MOB2: variants seen among roughly 807,000 people sequenced by gnomAD.
The protein encoded by MOB2 is MOB2 Mps One Binder homolog.
In MOB2, 14 loss-of-function variants were observed where a neutral mutation model predicts 27.4. The observed-to-expected ratio is 0.51, with a 90% CI of 0.34 to 0.80. The LOEUF (loss-of-function observed/expected upper bound fraction) is 0.80. Among genes scored for constraint, MOB2 ranks in the 30% least tolerant of loss-of-function variants. MOB2 has a pLI of 0.01. For missense variants in MOB2, 304 were observed against 354.6 expected (o/e 0.86, Z 1.15); for synonymous variants, 167 against 151.8 (o/e 1.10, Z -0.74).
chr11:1,481,569 A>G (rs1847914034), intron 1 of MOB2: 1 of 152,558 alleles, frequency 6.6e-6, no homozygotes, highest in African/African-American at 2.4e-5. Context: ...TAAGAGAAAG[A>G]GAAAGGAAAA....
rs970911836 is a variant in MOB2, at chr11:1,480,945, G to A, written c.111-60C>T. On this transcript the variant is annotated intron_variant, in intron 1 of 4. Transcript: ENST00000329957. ...CGCCCATCAGACCCAGGGTCTGCCC[G>A]GGGGGTCAGTTGTGGCCAGCGCAGG... is the stretch of plus-strand genomic sequence containing the variant. The A allele has an allele frequency of 2.8e-5, 43 of 1,535,066 alleles. No individual in the cohort carries two copies. The South Asian group carries it at 3.6e-4, about 13-fold the overall frequency.
At chr11:1,470,700 C>G (rs1414130333) in intron 4 of MOB2, among the ~76,000 whole-genome samples, 1 of 152,226 alleles carries the variant, frequency 6.6e-6, no homozygotes, top group Non-Finnish European at 1.5e-5. Flanking sequence ...GCTGAGACCT[C>G]CCTGCGTGCT....
At chr11:1,471,656 T>A in intron 3 of MOB2, 1 of 478,236 alleles carries the variant, frequency 2.1e-6, no homozygotes. Flanking sequence ...AGGATCACGC[T>A]GGGGAGCCTG....
At chr11:1,478,136 C>T (rs1847872094) in intron 3 of MOB2, among the ~76,000 whole-genome samples, 1 of 152,244 alleles carries the variant, frequency 6.6e-6, no homozygotes, top group South Asian at 2.1e-4. Context: ...CATAGCAGCT[C>T]TCTTGCCCAC....
At chr11:1,471,769 T>C (rs1448750298) in intron 3 of MOB2, 1 of 197,064 alleles carries the variant, frequency 5.1e-6, no homozygotes, top group Admixed American at 5.8e-5. Flanking sequence ...AAGTGCGTGC[T>C]GCTGTTTTTC....
chr11:1,481,405 C>T (rs561641387), intron 1 of MOB2: 13 of 189,946 alleles, frequency 6.8e-5, no homozygotes, highest in Admixed American at 2.2e-4. Flanking sequence ...TGGCATCAGG[C>T]GGCAGCCTGG....
rs918274935 is a variant in MOB2, at chr11:1,486,663, GGACGCCTGGCAGA to G, written c.-120_-108del. 2.5e-5 allele frequency: 18 copies of G among 727,928 alleles called. No individual in the cohort carries two copies. Among genetic ancestry groups the G allele is most frequent in the Non-Finnish European group, 3.9e-5 (17 of 432,162 alleles). The allele number at this position is 727,928 out of a possible 1,614,324, so 45.1% of individuals were successfully genotyped here. ...CTCCAGCCTCACTCCCTGGCCAATG[GGACGCCTGGCAGA>G]GACAAACAGCTGCCCCCTTTCCAGA... On this transcript the variant is annotated 5_prime_UTR_variant, in exon 1 of 5. An upstream open reading frame in the 5' UTR loses its in-frame stop. Coordinates refer to ENST00000329957, the MANE Select transcript of MOB2 (RefSeq NM_001172223.3).
At chr11:1,471,528 G>A (rs1226003145) in intron 3 of MOB2, 109 bp from the exon 4 acceptor site, 61 of 1,421,846 alleles carry the variant, frequency 4.3e-5, no homozygotes, top group Non-Finnish European at 4.8e-5. Context: ...CAGCAGCGGA[G>A]GTGTGGCAGA....
At chr11:1,486,416 C>A (rs1847970320) in intron 1 of MOB2, 31 bp downstream of exon 1, 4 of 1,483,658 alleles carry the variant, frequency 2.7e-6, no homozygotes, top group Middle Eastern at 1.7e-4. Context: ...GTGCTACACA[C>A]CCCTCCCCCA....
intron 1 of MOB2, among the ~76,000 whole-genome samples, chr11:1,484,186 AC>A (rs1387953066): frequency 6.6e-6 from 1 of 152,152 alleles, no homozygotes; most frequent in Non-Finnish European, 1.5e-5. Context: ...GAGCCTGTAG[AC>A]CCTGAGGTGA....
At chr11:1,482,362 C>G (rs1554928575) in intron 1 of MOB2, among the ~76,000 whole-genome samples, 1 of 152,244 alleles carries the variant, frequency 6.6e-6, no homozygotes, top group Non-Finnish European at 1.5e-5. Context: ...GGCTGCCCTA[C>G]TGGCAGTTCC....
At chr11:1,470,602 C>A (rs1293294604) in intron 4 of MOB2, 114 bp from the exon 5 acceptor site, 2 of 1,241,692 alleles carry the variant, frequency 1.6e-6, no homozygotes, top group Non-Finnish European at 2.2e-6. Context: ...CTTGACCCTG[C>A]CACCCTCAGG....
chr11:1,470,965 G>A (rs1437097130), intron 4 of MOB2, among the ~76,000 whole-genome samples: 1 of 152,274 alleles, frequency 6.6e-6, no homozygotes, highest in Non-Finnish European at 1.5e-5. Context: ...CTGGACACAG[G>A]CTTGGCGGCT....
chr11:1,476,414 C>A (rs1590763745), intron 3 of MOB2, among the ~76,000 whole-genome samples: 1 of 152,312 alleles, frequency 6.6e-6, no homozygotes, highest in Non-Finnish European at 1.5e-5. Context: ...TCCTTATTAT[C>A]CTTTTAACAT....
intron 1 of MOB2, among the ~76,000 whole-genome samples, chr11:1,481,737 GGCAGGGAGGGGC>G (rs1348187941): frequency 2.2e-5 from 2 of 90,982 alleles, no homozygotes; most frequent in East Asian, 1.2e-3. Context: ...CAGGGGCAGG[GGCAGGGAGGGGC>G]AGGGGCAGGG....
intron 1 of MOB2, among the ~76,000 whole-genome samples, chr11:1,483,374 C>T (rs1193962430): frequency 1.3e-5 from 2 of 152,218 alleles, no homozygotes; most frequent in Non-Finnish European, 2.9e-5. Context: ...GACCTCAGCC[C>T]ACCCACAGGG....
At chr11:1,471,525 G>A (rs913008172) in intron 3 of MOB2, 106 bp from the exon 4 acceptor site, 32 of 1,457,170 alleles carry the variant, frequency 2.2e-5, no homozygotes, top group East Asian at 6.9e-5. Context: ...CGCCAGCAGC[G>A]GAGGTGTGGC....
chr11:1,476,283 C>G (rs891823333), intron 3 of MOB2, among the ~76,000 whole-genome samples: 1 of 152,186 alleles, frequency 6.6e-6, no homozygotes, highest in Non-Finnish European at 1.5e-5. Flanking sequence ...TTTATTCTTT[C>G]TTCTTACCTT....
chr11:1,477,663 G>A (rs558512841), intron 3 of MOB2, among the ~76,000 whole-genome samples: 1 of 152,296 alleles, frequency 6.6e-6, no homozygotes, highest in East Asian at 1.9e-4. Flanking sequence ...CAGTGACGTG[G>A]TCAGTGCCCC....
Sources: allele counts gnomAD v4.1 joint callset (sites outside exome capture counted in the v4.1 genomes callset), GRCh38; gene constraint gnomAD v4.1.1; transcripts MANE v1.5; gene names NCBI Gene and HGNC (gene_info 2026-07-23, HGNC 2026-07-21).